COL4A2: variants seen among roughly 807,000 people sequenced by gnomAD.
COL4A2 encodes the protein collagen type IV alpha 2 chain.
COL4A2 carries 99 observed loss-of-function variants against 200.2 expected under a neutral mutation model. The ratio of observed to expected loss-of-function variants is 0.49; its 90% CI spans 0.42 to 0.58. The LOEUF (loss-of-function observed/expected upper bound fraction) is 0.58. Ranked by LOEUF, COL4A2 falls within the 20% of genes least tolerant of loss-of-function variation. COL4A2 has a pLI of 0.00. For synonymous variants in COL4A2, 897 were observed against 900.6 expected, an observed-to-expected ratio of 1.00 and a Z score of 0.07; for missense variants, 1,950 against 2,314.1, an observed-to-expected ratio of 0.84 and a Z score of 3.23.
intron 45 of COL4A2, among the ~76,000 whole-genome samples, chr13:110,504,988 T>C (rs1178163606): frequency 6.6e-6 from 1 of 151,430 alleles, no homozygotes; most frequent in Non-Finnish European, 1.5e-5. Flanking sequence ...AAAAAAAACC[T>C]CAAAATTTGT....
chr13:110,418,233 G>A (rs1285561583), intron 4 of COL4A2, among the ~76,000 whole-genome samples: 1 of 152,154 alleles, frequency 6.6e-6, no homozygotes, highest in African/African-American at 2.4e-5. Context: ...CATATCTTTA[G>A]TATTGAGTTT....
intron 32 of COL4A2, among the ~76,000 whole-genome samples, chr13:110,484,629 G>C (rs1396188451): frequency 9.2e-5 from 14 of 152,154 alleles, no homozygotes; most frequent in Non-Finnish European, 2.9e-5. Flanking sequence ...CACTGGCTTT[G>C]ACCGCTCCCT....
intron 3 of COL4A2, among the ~76,000 whole-genome samples, chr13:110,323,430 G>A (rs559770750): frequency 6.6e-6 from 1 of 152,314 alleles, no homozygotes; most frequent in East Asian, 1.9e-4. Context: ...CCGTCTTGCT[G>A]TTTGCTTTTA....
At chr13:110,510,175 A>G (rs551667949) in intron 47 of COL4A2, among the ~76,000 whole-genome samples, 1 of 152,348 alleles carries the variant, frequency 6.6e-6, no homozygotes, top group African/African-American at 2.4e-5. Context: ...AGCAGTGCTG[A>G]GGCTAGCGCC....
chr13:110,340,230 C>T (rs1284685842), intron 3 of COL4A2, among the ~76,000 whole-genome samples: 1 of 152,176 alleles, frequency 6.6e-6, no homozygotes, highest in African/African-American at 2.4e-5. Context: ...CAGTTCCCTG[C>T]CTCAGCCTCC....
chr13:110,372,258 A>G (rs1488725825), intron 4 of COL4A2, among the ~76,000 whole-genome samples: 1 of 152,216 alleles, frequency 6.6e-6, no homozygotes, highest in Non-Finnish European at 1.5e-5. Flanking sequence ...GATCAAGCAC[A>G]AAGAGAAAAC....
At chr13:110,497,570 C>T (rs544483137) in intron 40 of COL4A2, among the ~76,000 whole-genome samples, 3 of 147,066 alleles carry the variant, frequency 2.0e-5, no homozygotes, top group Non-Finnish European at 3.0e-5. Flanking sequence ...AACCTCCACT[C>T]AGGGCTGAGG....
intron 3 of COL4A2, among the ~76,000 whole-genome samples, chr13:110,345,503 A>G (rs1377471696): frequency 6.6e-6 from 1 of 151,994 alleles, no homozygotes; most frequent in African/African-American, 2.4e-5. Flanking sequence ...CACCTTCCCT[A>G]TGGGTACAGT....
In COL4A2 at chr13:110,485,021, G is replaced by A. The variant is rs148455649; in HGVS notation, c.3019G>A (p.Ala1007Thr). ...TATGGGGCTGAAAGGATACCTGGGCGCAAAAGGTGAGGCTTCTGACCTGCA... is the reference window on the plus strand; with the variant it reads ...TATGGGGCTGAAAGGATACCTGGGCACAAAAGGTGAGGCTTCTGACCTGCA... ...GPMGLKGYLG[A>T]KGIQGMPGIP... The change falls in exon 33 of 48, where the codon GCA becomes ACA. Residue 1007 changes from alanine (A) to threonine (T), a missense_variant. Around this residue, in one of 2 missense-constraint regions of COL4A2, gnomAD observed 1,385 missense variants for 1,720.5 expected, o/e 0.80. Transcript: ENST00000360467. The A allele has an allele frequency of 1.5e-5, 24 of 1,596,018 alleles. No individual in the cohort carries two copies. The highest frequency in any genetic ancestry group is 5.6e-5 in the South Asian group (5 of 89,518).
chr13:110,490,894 A>G (rs186175875), intron 36 of COL4A2, among the ~76,000 whole-genome samples: 1 of 152,156 alleles, frequency 6.6e-6, no homozygotes, highest in Non-Finnish European at 1.5e-5. Context: ...TTTGGAGTGG[A>G]GCCTCCCCTG....
chr13:110,320,715 G>A (rs1221735896), intron 3 of COL4A2, among the ~76,000 whole-genome samples: 1 of 152,174 alleles, frequency 6.6e-6, no homozygotes, highest in Non-Finnish European at 1.5e-5. Context: ...TAAAAGGAAA[G>A]ATCATAGGTA....
intron 20 of COL4A2, chr13:110,456,572 C>G (rs1017842933): frequency 8.3e-6 from 3 of 359,732 alleles, no homozygotes; most frequent in African/African-American, 6.4e-5. Flanking sequence ...TCTTATATTT[C>G]TTTCCAACCC....
intron 7 of COL4A2, among the ~76,000 whole-genome samples, chr13:110,428,819 C>A (rs1464935356): frequency 6.6e-6 from 1 of 152,242 alleles, no homozygotes; most frequent in Non-Finnish European, 1.5e-5. Flanking sequence ...TCCCAAGTGT[C>A]ACTTCATTTT....
intron 15 of COL4A2, among the ~76,000 whole-genome samples, chr13:110,439,574 C>T (rs1333998494): frequency 6.6e-6 from 1 of 152,104 alleles, no homozygotes; most frequent in Non-Finnish European, 1.5e-5. Flanking sequence ...TTCCCATCCC[C>T]ACCTCCCCAC....
chr13:110,371,748 C>T (rs1206656700), intron 4 of COL4A2, among the ~76,000 whole-genome samples: 2 of 151,758 alleles, frequency 1.3e-5, no homozygotes, highest in Non-Finnish European at 2.9e-5. Flanking sequence ...GTAGGGCGGG[C>T]GGCGGGCCGT....
intron 4 of COL4A2, among the ~76,000 whole-genome samples, chr13:110,396,070 G>A (rs1244801061): frequency 6.6e-6 from 1 of 152,190 alleles, no homozygotes; most frequent in Non-Finnish European, 1.5e-5. Flanking sequence ...TCTATTGTTT[G>A]TAATAGACTT....
rs111761616 is a variant in COL4A2 at position 110,313,460 on chromosome 13, C to A, written c.99+5337C>A. Among the ~76,000 whole-genome samples, 74 of 147,244 alleles carry A rather than the reference C, an allele frequency of 5.0e-4. 1 individual carries two copies. In the East Asian group the frequency reaches 0.01, roughly 21 times the overall value. ...GCAGCCGGCGTCCACCCGGCAGGCT[C>A]CCACCCCGGTGCCCCGCGTCCACCC... On this transcript the variant is annotated intron_variant, in intron 3 of 47. Coordinates refer to ENST00000360467, the MANE Select transcript of COL4A2 (RefSeq NM_001846.4).
intron 39 of COL4A2, 48 bp from the exon 40 acceptor site, chr13:110,495,294 G>A (rs770601621): frequency 6.2e-7 from 1 of 1,612,946 alleles, no homozygotes; most frequent in Admixed American, 1.7e-5. Flanking sequence ...AAAGTCAACT[G>A]TATGGTTGGA....
Position 110,424,840 on chromosome 13 carries a change from C to G in COL4A2, c.287C>G (p.Pro96Arg), listed in dbSNP as rs748157227. The change falls in exon 5 of 48, where the codon CCC becomes CGC. Residue 96 changes from proline (P) to arginine (R), a missense_variant. By Grantham distance (103) the Pro-to-Arg change is moderately radical. Transcript: ENST00000360467. ...RKGDKGERGA[P>R]GVTGPKGDVG... The stretch of plus-strand genomic sequence containing the variant: ...GGAGACAAGGGTGAAAGGGGAGCCC[C>G]CGGAGTAACGGGACCCAAGGGCGAC... 1 of 1,614,084 alleles carries G rather than the reference C, an allele frequency of 6.2e-7. No individual in the cohort carries two copies. The highest frequency in any genetic ancestry group is 1.1e-5 in the South Asian group (1 of 91,080).
Sources: gnomAD v4.1 joint callset for allele counts (sites outside exome capture counted in the v4.1 genomes callset) on GRCh38, gnomAD v4.1.1 for gene constraint, gnomAD v4.1.1 regional missense constraint, MANE v1.5 for transcripts, NCBI Gene and HGNC (gene_info 2026-07-23, HGNC 2026-07-21) for gene names.